PIP4K2A: variants seen among roughly 807,000 people sequenced by gnomAD.
PIP4K2A encodes the protein phosphatidylinositol 5-phosphate 4-kinase type-2 alpha.
In PIP4K2A, 14 loss-of-function variants were observed where a neutral mutation model predicts 42.9. The ratio of observed to expected loss-of-function variants is 0.33; its 90% CI spans 0.22 to 0.51. PIP4K2A has a LOEUF of 0.51. Among genes scored for constraint, PIP4K2A ranks in the 20% least tolerant of loss-of-function variants. The pLI is 0.97. For synonymous variants in PIP4K2A, 192 were observed against 192.2 expected (o/e 1.00, Z 0.01); for missense variants, 434 against 519.8 (o/e 0.83, Z 1.61).
intron 1 of PIP4K2A, among the ~76,000 whole-genome samples, chr10:22,671,745 T>TACAC (rs143696456): frequency 0.038 from 5,518 of 144,632 alleles, 239 homozygotes; most frequent in African/African-American, 0.11. Context: ...ACTTGGAAAA[T>TACAC]ACACACACAC....
At position 22,539,903 on chromosome 10, in the gene PIP4K2A, G is replaced by C. The variant is rs368795654; in HGVS notation, c.1140+68C>G. 21 of 424,730 alleles carry C rather than the reference G, an allele frequency of 4.9e-5. No individual in the cohort carries two copies. In the African/African-American group the frequency reaches 7.3e-4, roughly 15 times the overall value. 26.3% of individuals were successfully genotyped at this position (424,730 alleles called of 1,614,324 possible). A position where few individuals can be genotyped will look rare whatever the true frequency, so the allele number is the denominator to read the frequency against. Reference sequence around the variant, plus strand: ...AGGAGCCAGGAGAGAGAGAGAGAGAGAGAGAGAGGGAGAGAGAGAGAGAGA... The same window carrying C: ...AGGAGCCAGGAGAGAGAGAGAGAGACAGAGAGAGGGAGAGAGAGAGAGAGA... On this transcript the variant is annotated intron_variant, in intron 9 of 9. Coordinates refer to ENST00000376573, the MANE Select transcript of PIP4K2A (RefSeq NM_005028.5).
At chr10:22,713,298 A>T (rs1008215689) in intron 1 of PIP4K2A, among the ~76,000 whole-genome samples, 4 of 151,868 alleles carry the variant, frequency 2.6e-5, no homozygotes, top group Non-Finnish European at 5.9e-5. Flanking sequence ...TAACCTTTCC[A>T]CGCGTTCTCC....
chr10:22,709,122 A>T (rs200483904), intron 1 of PIP4K2A, among the ~76,000 whole-genome samples: 126 of 140,976 alleles, frequency 8.9e-4, no homozygotes, highest in East Asian at 3.3e-3. Context: ...TTTTTTTTTT[A>T]AAAGTCCCCG....
intron 4 of PIP4K2A, among the ~76,000 whole-genome samples, chr10:22,582,799 TA>T: frequency 6.6e-6 from 1 of 150,894 alleles, no homozygotes; most frequent in Admixed American, 6.6e-5. Context: ...AAATAAATGA[TA>T]CAACTTCCTT....
intron 1 of PIP4K2A, among the ~76,000 whole-genome samples, chr10:22,705,431 A>C (rs1322589516): frequency 2.4e-4 from 10 of 42,172 alleles, no homozygotes; most frequent in Non-Finnish European, 3.3e-4. Context: ...CCAGTTAAAA[A>C]AAAAAAAAAA....
At chr10:22,655,829 G>A (rs1296234061) in intron 1 of PIP4K2A, among the ~76,000 whole-genome samples, 1 of 152,154 alleles carries the variant, frequency 6.6e-6, no homozygotes, top group Non-Finnish European at 1.5e-5. Flanking sequence ...TGTGATTTGT[G>A]CAAGAGTGGA....
At chr10:22,596,899 G>C (rs894816533) in intron 3 of PIP4K2A, among the ~76,000 whole-genome samples, 1 of 152,234 alleles carries the variant, frequency 6.6e-6, no homozygotes, top group Admixed American at 6.5e-5. Context: ...CTGCTTCCCT[G>C]CCTGGGCTCC....
At chr10:22,655,767 C>G (rs1839087943) in intron 1 of PIP4K2A, among the ~76,000 whole-genome samples, 1 of 152,206 alleles carries the variant, frequency 6.6e-6, no homozygotes, top group South Asian at 2.1e-4. Context: ...GATTCGCTTA[C>G]TTACTCATTT....
chr10:22,541,417 G>GTTTTTGTTTT (rs1286231794), intron 8 of PIP4K2A, among the ~76,000 whole-genome samples: 1 of 152,212 alleles, frequency 6.6e-6, no homozygotes, highest in African/African-American at 2.4e-5. Context: ...AGGCAAAAAC[G>GTTTTTGTTTT]TATTAATATT....
At position 22,535,945 on chromosome 10, in the gene PIP4K2A, T is replaced by C; in HGVS notation, c.*1256A>G. ...AAGACTGTCTACCATGTACTTTGAC[T>C]AAAACACTCACGTAAAAACATGGCT... On this transcript the variant is annotated 3_prime_UTR_variant, in exon 10 of 10. Coordinates refer to ENST00000376573, the MANE Select transcript of PIP4K2A (RefSeq NM_005028.5). 1 of 394,098 alleles carries C rather than the reference T, an allele frequency of 2.5e-6. No homozygotes were observed. Among genetic ancestry groups the C allele is most frequent in the Non-Finnish European group, 4.5e-6 (1 of 223,572 alleles). The allele number at this position is 394,098 out of a possible 1,614,324, so 24.4% of individuals were successfully genotyped here. A position where few individuals can be genotyped will look rare whatever the true frequency, so the allele number is the denominator to read the frequency against.
chr10:22,657,187 A>G (rs1231829864), intron 1 of PIP4K2A, among the ~76,000 whole-genome samples: 1 of 152,198 alleles, frequency 6.6e-6, no homozygotes, highest in Non-Finnish European at 1.5e-5. Flanking sequence ...GGAACAGAAC[A>G]TTCTCAGAAG....
chr10:22,538,803 G>T (rs940960700), intron 9 of PIP4K2A, among the ~76,000 whole-genome samples: 26 of 138,498 alleles, frequency 1.9e-4, no homozygotes, highest in Admixed American at 1.8e-3. Flanking sequence ...GTGCTCGGGG[G>T]CGGTGAGGTC....
At chr10:22,623,606 C>T (rs573041486) in intron 1 of PIP4K2A, among the ~76,000 whole-genome samples, 3 of 152,210 alleles carry the variant, frequency 2.0e-5, no homozygotes, top group South Asian at 2.1e-4. Flanking sequence ...TAGAGGTTGG[C>T]GGTTGGCAGG....
chr10:22,594,513 T>C (rs1208760290), intron 3 of PIP4K2A, among the ~76,000 whole-genome samples: 1 of 152,192 alleles, frequency 6.6e-6, no homozygotes, highest in East Asian at 1.9e-4. Flanking sequence ...CTCGTGCCTC[T>C]GCCTCCTGAG....
At chr10:22,677,015 C>G (rs138163078) in intron 1 of PIP4K2A, among the ~76,000 whole-genome samples, 1 of 152,318 alleles carries the variant, frequency 6.6e-6, no homozygotes, top group East Asian at 1.9e-4. Context: ...GATTTTATTG[C>G]AAATTACTTT....
At chr10:22,700,608 T>G (rs538443219) in intron 1 of PIP4K2A, among the ~76,000 whole-genome samples, 12 of 152,226 alleles carry the variant, frequency 7.9e-5, no homozygotes, top group African/African-American at 1.9e-4. Context: ...CTCCCGCTAA[T>G]GCAGCCCCTT....
At chr10:22,617,269 G>A (rs1241432102) in intron 1 of PIP4K2A, among the ~76,000 whole-genome samples, 3 of 152,214 alleles carry the variant, frequency 2.0e-5, no homozygotes, top group Admixed American at 6.5e-5. Context: ...CTGCAAAAAT[G>A]GGAATACTAA....
chr10:22,639,219 C>T (rs528014614), intron 1 of PIP4K2A, among the ~76,000 whole-genome samples: 9 of 152,146 alleles, frequency 5.9e-5, no homozygotes, highest in South Asian at 4.2e-4. Context: ...GAAGGAATAC[C>T]GAAAGCCATT....
intron 2 of PIP4K2A, among the ~76,000 whole-genome samples, chr10:22,608,355 C>T (rs570307777): frequency 7.2e-5 from 11 of 152,146 alleles, no homozygotes; most frequent in Admixed American, 5.9e-4. Flanking sequence ...AGCACAATGG[C>T]GGGAGAGTGA....
Sources: gnomAD v4.1 joint callset for allele counts (sites outside exome capture counted in the v4.1 genomes callset) on GRCh38, gnomAD v4.1.1 for gene constraint, MANE v1.5 for transcripts, NCBI Gene and HGNC (gene_info 2026-07-23, HGNC 2026-07-21) for gene names.